ELF1: variants seen among roughly 807,000 people sequenced by gnomAD.
ELF1 encodes ETS-related transcription factor Elf-1.
In ELF1, 24 loss-of-function variants were observed where a neutral mutation model predicts 59.9. The observed-to-expected ratio is 0.40, with a 90% CI of 0.29 to 0.56. The LOEUF (loss-of-function observed/expected upper bound fraction) is 0.56, where lower values mean the gene tolerates loss of function less well. Among genes scored for constraint, ELF1 ranks in the 20% least tolerant of loss-of-function variants. The pLI is 0.44. For synonymous variants in ELF1, 248 were observed against 266.2 expected, an observed-to-expected ratio of 0.93 and a Z score of 0.67; for missense variants, 627 against 742.2, an observed-to-expected ratio of 0.84 and a Z score of 1.80.
At chr13:40,998,150 A>G (rs1874222959) in intron 1 of ELF1, among the ~76,000 whole-genome samples, 1 of 152,198 alleles carries the variant, frequency 6.6e-6, no homozygotes, top group South Asian at 2.1e-4. Context: ...GTCTCAAAAA[A>G]ACAAAACAAA....
chr13:41,061,289 G>A, exon 1 of ELF1: 1 of 331,412 alleles, frequency 3.0e-6, no homozygotes. Context: ...GAGGATGGAG[G>A]TTTTGGGCCC....
At chr13:40,967,930 T>C (rs1051332634) in intron 2 of ELF1, among the ~76,000 whole-genome samples, 3 of 152,172 alleles carry the variant, frequency 2.0e-5, no homozygotes, top group African/African-American at 2.4e-5. Flanking sequence ...TTATTTATTA[T>C]TTCTTTTGCT....
At chr13:40,969,944 G>A (rs906497308) in intron 2 of ELF1, among the ~76,000 whole-genome samples, 4 of 152,042 alleles carry the variant, frequency 2.6e-5, no homozygotes, top group African/African-American at 4.8e-5. Flanking sequence ...ACTCACTCAC[G>A]AAACTATCTG....
At chr13:41,020,215 T>A (rs1875635430), upstream of ELF1, among the ~76,000 whole-genome samples, 1 of 152,214 alleles carries the variant, frequency 6.6e-6, no homozygotes, top group Non-Finnish European at 1.5e-5. Flanking sequence ...TCTGACAAAG[T>A]GCCCAAGCCA....
intron 1 of ELF1, among the ~76,000 whole-genome samples, chr13:41,041,260 CAAAAAAA>C (rs11326566): frequency 2.6e-5 from 3 of 115,278 alleles, no homozygotes; most frequent in African/African-American, 1.0e-4. Context: ...CTGGTTTCAT[CAAAAAAA>C]AAAAAAAAAA....
chr13:41,023,742 T>C (rs1875777040), upstream of ELF1, among the ~76,000 whole-genome samples: 1 of 152,206 alleles, frequency 6.6e-6, no homozygotes. Context: ...CAACAGTCTA[T>C]GTATTTTCAG....
intron 2 of ELF1, among the ~76,000 whole-genome samples, chr13:40,976,826 T>C (rs1166054784): frequency 6.6e-6 from 1 of 152,212 alleles, no homozygotes; most frequent in African/African-American, 2.4e-5. Context: ...ATTACAGGCA[T>C]GAGCCACTGC....
At chr13:41,056,987 G>A (rs1192045189) in intron 1 of ELF1, among the ~76,000 whole-genome samples, 1 of 152,164 alleles carries the variant, frequency 6.6e-6, no homozygotes, top group Non-Finnish European at 1.5e-5. Context: ...TGGTAGATAA[G>A]GTAGGACCTG....
intron 1 of ELF1, among the ~76,000 whole-genome samples, chr13:41,028,771 T>C (rs564446885): frequency 1.3e-5 from 2 of 152,346 alleles, no homozygotes; most frequent in South Asian, 2.1e-4. Context: ...TCTCACTCTG[T>C]TGCCCAGGCT....
chr13:40,989,156 T>C (rs1873711168), intron 1 of ELF1, among the ~76,000 whole-genome samples: 1 of 152,154 alleles, frequency 6.6e-6, no homozygotes, highest in Non-Finnish European at 1.5e-5. Flanking sequence ...TATGCGAATA[T>C]GGAAAAAACA....
At chr13:41,011,761 A>T (rs1029510043) in intron 1 of ELF1, among the ~76,000 whole-genome samples, 1 of 151,832 alleles carries the variant, frequency 6.6e-6, no homozygotes. Context: ...TAACTGATGC[A>T]GAGTTTTCAT....
At chr13:41,059,850 A>G (rs1210496744) in intron 1 of ELF1, among the ~76,000 whole-genome samples, 1 of 152,038 alleles carries the variant, frequency 6.6e-6, no homozygotes, top group Non-Finnish European at 1.5e-5. Context: ...CCACCCCAGG[A>G]TGTTTTGCCG....
intron 1 of ELF1, among the ~76,000 whole-genome samples, chr13:41,044,505 G>A (rs182418470): frequency 1.3e-4 from 20 of 152,248 alleles, no homozygotes; most frequent in East Asian, 3.9e-4. Context: ...AGCATGAAGC[G>A]CTGTTGAATT....
chr13:40,946,584 G>C (rs1231811112), intron 5 of ELF1, among the ~76,000 whole-genome samples: 1 of 152,142 alleles, frequency 6.6e-6, no homozygotes, highest in Non-Finnish European at 1.5e-5. Flanking sequence ...AAGTGTGCCT[G>C]TGTCTCCTGC....
At chr13:41,001,590 G>C (rs1396384198) in intron 1 of ELF1, among the ~76,000 whole-genome samples, 7 of 152,156 alleles carry the variant, frequency 4.6e-5, no homozygotes, top group African/African-American at 1.4e-4. Context: ...CAACGTGAGA[G>C]ACCCTGTTCT....
In ELF1 at chr13:40,955,431, G is replaced by GC. The variant is rs1253728034; in HGVS notation, c.253+3404dup. Among the ~76,000 whole-genome samples the GC allele has an allele frequency of 2.2e-5, 3 of 136,866 alleles. No homozygotes were observed. In the East Asian group the frequency reaches 6.8e-4, roughly 31 times the overall value. The allele number at this position is 136,866 out of a possible 152,430, so 89.8% of individuals were successfully genotyped here. On this transcript the variant is annotated intron_variant, in intron 3 of 8. Transcript: ENST00000239882. ...ATCCGGGAAGGAGGTGGGGGGGTCA[G>GC]CCCCCCGCCCGGCCAGCCGCCCCGT...
chr13:40,996,514 T>C (rs1874134963), intron 1 of ELF1, among the ~76,000 whole-genome samples: 1 of 152,186 alleles, frequency 6.6e-6, no homozygotes, highest in African/African-American at 2.4e-5. Context: ...ATGTGGAAAC[T>C]TAAATGCTTA....
intron 2 of ELF1, among the ~76,000 whole-genome samples, chr13:40,974,067 G>A (rs1872754143): frequency 6.6e-6 from 1 of 152,090 alleles, no homozygotes; most frequent in Admixed American, 6.5e-5. Flanking sequence ...TTTCCCTTTG[G>A]GGTGATAAAC....
At chr13:40,998,033 C>T (rs1240131954) in intron 1 of ELF1, among the ~76,000 whole-genome samples, 2 of 152,062 alleles carry the variant, frequency 1.3e-5, no homozygotes, top group African/African-American at 2.4e-5. Flanking sequence ...GCAGTCTCAG[C>T]TTACCCGTGA....
Sources: allele counts gnomAD v4.1 joint callset (sites outside exome capture counted in the v4.1 genomes callset), GRCh38; gene constraint gnomAD v4.1.1; transcripts MANE v1.5; gene names NCBI Gene and HGNC (gene_info 2026-07-23, HGNC 2026-07-21).